Variants in PFKFB3 observed in about 807,000 individuals in gnomAD.
PFKFB3 encodes the protein 6-phosphofructo-2-kinase/fructose-2,6-biphosphatase 3.
Under a neutral mutation model 68.0 loss-of-function variants are expected in PFKFB3, and 33 were observed. The ratio of observed to expected loss-of-function variants is 0.49; its 90% CI spans 0.37 to 0.65. The LOEUF is 0.65. Ranked by LOEUF, PFKFB3 falls within the 30% of genes least tolerant of loss-of-function variation. PFKFB3 has a pLI of 0.00. For synonymous variants in PFKFB3, 315 were observed against 288.2 expected (o/e 1.09, Z -0.94); for missense variants, 586 against 712.2 (o/e 0.82, Z 2.02).
At chr10:6,222,721 T>A in intron 10 of PFKFB3, 134 bp from the exon 11 acceptor site, 2 of 966,206 alleles carry the variant, frequency 2.1e-6, no homozygotes, top group Non-Finnish European at 3.0e-6. Context: ...TAAACCCTGC[T>A]CCTTCTCAAC....
chr10:6,293,423 T>C, the PFKFB3 span: 1 of 215,614 alleles, frequency 4.6e-6, no homozygotes, highest in Non-Finnish European at 9.3e-6. Flanking sequence ...TCGGCTCACT[T>C]CATCCCCTGC....
the PFKFB3 span, among the ~76,000 whole-genome samples, chr10:6,297,697 A>G: frequency 9.8e-5 from 15 of 152,294 alleles, no homozygotes; most frequent in African/African-American, 3.4e-4. Flanking sequence ...GCTTCTTGTC[A>G]TGGATGAATT....
chr10:6,272,620 G>A, the PFKFB3 span, among the ~76,000 whole-genome samples: 3 of 152,028 alleles, frequency 2.0e-5, no homozygotes, highest in African/African-American at 4.8e-5. Flanking sequence ...GTTTGAACCC[G>A]GGAGGCAGAG....
At chr10:6,286,305 A>G in the PFKFB3 span, among the ~76,000 whole-genome samples, 4 of 151,336 alleles carry the variant, frequency 2.6e-5, no homozygotes, top group Non-Finnish European at 5.9e-5. Context: ...TTATATCTTT[A>G]ATTTGGGTTT....
chr10:6,209,998 C>T lies in PFKFB3; in HGVS notation c.77-3625C>T, dbSNP rs578070513. Among the ~76,000 whole-genome samples, 55 of 149,472 alleles carry T rather than the reference C, an allele frequency of 3.7e-4. 1 individual carries two copies. Among genetic ancestry groups the T allele is most frequent in the African/African-American group, 1.2e-3 (49 of 41,182 alleles). Reference sequence around the variant, plus strand: ...CGATCTCCTGACCTTGTGATCCGCCCGCCTCGGCCTCCCAAAGTGCTGGGA... The same window carrying T: ...CGATCTCCTGACCTTGTGATCCGCCTGCCTCGGCCTCCCAAAGTGCTGGGA... On this transcript the variant is annotated intron_variant, in intron 1 of 14. Transcript: ENST00000379775.
the PFKFB3 span, among the ~76,000 whole-genome samples, chr10:6,261,059 C>T: frequency 1.3e-5 from 2 of 152,202 alleles, no homozygotes; most frequent in African/African-American, 4.8e-5. Flanking sequence ...TTGGTACCAC[C>T]AGTCTTTCTA....
Position 6,215,389 on chromosome 10 carries a change from C to T in PFKFB3, c.299+72C>T, listed in dbSNP as rs1368616375. ...GGGCCGCGGGCATAAGGCTGGGCTG[C>T]AGGAGTAAGGCTGGGCCGCGGGCGT... On this transcript the variant is annotated intron_variant, in intron 3 of 14. Coordinates refer to ENST00000379775, the MANE Select transcript of PFKFB3 (RefSeq NM_004566.4). The surrounding 1 kb of genome is among the most constrained non-coding windows in gnomAD (Gnocchi z 4.3). The T allele has an allele frequency of 9.1e-6, 11 of 1,202,342 alleles. No individual in the cohort carries two copies. The South Asian group carries it at 9.9e-5, about 11-fold the overall frequency. The allele number at this position is 1,202,342 out of a possible 1,614,324, so 74.5% of individuals were successfully genotyped here.
At chr10:6,264,184 C>T in the PFKFB3 span, among the ~76,000 whole-genome samples, 1 of 152,178 alleles carries the variant, frequency 6.6e-6, no homozygotes, top group South Asian at 2.1e-4. Flanking sequence ...AGAGGGACTG[C>T]TTCTAGATGT....
chr10:6,294,489 C>T, the PFKFB3 span: 22 of 223,756 alleles, frequency 9.8e-5, no homozygotes, highest in Non-Finnish European at 1.4e-4. Flanking sequence ...GAGACTTATT[C>T]GCTATCACAA....
At chr10:6,158,645 C>G (rs547255687) in intron 1 of PFKFB3, among the ~76,000 whole-genome samples, 2 of 152,116 alleles carry the variant, frequency 1.3e-5, no homozygotes, top group Non-Finnish European at 2.9e-5. Context: ...GCAGGCGGAT[C>G]ACCTGAGGTC....
At chr10:6,246,484 C>T (rs922835471) in intron 14 of PFKFB3, among the ~76,000 whole-genome samples, 6 of 151,654 alleles carry the variant, frequency 4.0e-5, no homozygotes, top group East Asian at 3.9e-4. Context: ...GGACTGCAGG[C>T]GCCTGCCACC....
chr10:6,221,699 C>T lies in PFKFB3; in HGVS notation c.1037C>T (p.Ala346Val), dbSNP rs141885543. ...AGGGACACCTACCCTGAGGAGTATG[C>T]GCTGCGGGAGCAGGACAAGTACTAT... ...EIRDTYPEEY[A>V]LREQDKYYYR... The change falls in exon 10 of 15, where the codon GCG becomes GTG. Residue 346 changes from alanine to valine, a missense_variant. Ala to Val is a moderately conservative substitution (Grantham distance 64). Coordinates refer to ENST00000379775, the MANE Select transcript of PFKFB3 (RefSeq NM_004566.4). 1.5e-5 allele frequency: 24 copies of T among 1,609,080 alleles called. No individual in the cohort carries two copies. The highest frequency in any genetic ancestry group is 3.3e-4 in the Middle Eastern group (2 of 5,976).
chr10:6,187,961 A>ATCTATCTATCTATCTG (rs1323770080), intron 1 of PFKFB3, among the ~76,000 whole-genome samples: 4 of 133,128 alleles, frequency 3.0e-5, no homozygotes, highest in African/African-American at 1.1e-4. Flanking sequence ...CTATCTATCT[A>ATCTATCTATCTATCTG]TCTATCTATC....
At position 6,158,405 on chromosome 10, in the gene PFKFB3, T is replaced by A. The variant is rs756271010; in HGVS notation, c.16+13392T>A. ...AGGAAAATGCAGATTGAGACCAAAA[T>A]GAAGACACGTTTCACTCTGTGTGCC... On this transcript the variant is annotated intron_variant, in intron 1 of 14. Transcript: ENST00000379789. 6.0e-4 allele frequency among the ~76,000 whole-genome samples: 91 copies of A among 152,164 alleles called. 1 individual carries two copies. The highest frequency in any genetic ancestry group is 1.1e-3 in the Non-Finnish European group (73 of 68,032).
At chr10:6,266,521 G>A in the PFKFB3 span, among the ~76,000 whole-genome samples, 53,836 of 151,966 alleles carry the variant, frequency 0.35, 9,670 homozygotes, top group East Asian at 0.42. Context: ...TTGCTTCTAG[G>A]GTGTTTCAGT....
intron 1 of PFKFB3, among the ~76,000 whole-genome samples, chr10:6,171,400 C>CT (rs76434176): frequency 0.014 from 1,948 of 141,612 alleles, 36 homozygotes; most frequent in African/African-American, 0.036. Context: ...TTCTTTCTTT[C>CT]TTTTTTTTTT....
At chr10:6,198,106 C>G (rs1157557412), upstream of PFKFB3, among the ~76,000 whole-genome samples, 2 of 151,902 alleles carry the variant, frequency 1.3e-5, no homozygotes, top group Non-Finnish European at 2.9e-5. Flanking sequence ...ATTAGCCAAG[C>G]ATGGTGGCAC....
the PFKFB3 span, among the ~76,000 whole-genome samples, chr10:6,303,263 A>G: frequency 1.3e-5 from 2 of 152,206 alleles, no homozygotes; most frequent in Non-Finnish European, 2.9e-5. Context: ...TCCTAATGCA[A>G]GAACAAACAA....
At chr10:6,165,189 A>G (rs1391305509) in intron 1 of PFKFB3, among the ~76,000 whole-genome samples, 1 of 152,190 alleles carries the variant, frequency 6.6e-6, no homozygotes, top group Non-Finnish European at 1.5e-5. Flanking sequence ...GTCCCTGGTT[A>G]ATCGAGAATG....
Sources: gnomAD v4.1 joint callset for allele counts (sites outside exome capture counted in the v4.1 genomes callset) on GRCh38, gnomAD v4.1.1 for gene constraint, Gnocchi (gnomAD v3.1) non-coding constraint, MANE v1.5 for transcripts, NCBI Gene and HGNC (gene_info 2026-07-23, HGNC 2026-07-21) for gene names.